SPAG17: variants seen among roughly 807,000 people sequenced by gnomAD.
SPAG17 encodes the protein sperm associated antigen 17.
SPAG17 carries 169 observed loss-of-function variants against 273.6 expected under a neutral mutation model. The observed-to-expected ratio is 0.62, with a 90% CI of 0.55 to 0.70. SPAG17 has a LOEUF of 0.70. Ranked by LOEUF, SPAG17 falls within the 30% of genes least tolerant of loss-of-function variation. SPAG17 has a pLI of 0.00. For missense variants in SPAG17, 2,557 were observed against 2,627.8 expected (o/e 0.97, Z 0.59); for synonymous variants, 825 against 873.2 (o/e 0.94, Z 0.97).
intron 19 of SPAG17, 40 bp downstream of exon 19, chr1:118,055,693 T>C (rs1311334003): frequency 6.9e-7 from 1 of 1,459,044 alleles, no homozygotes. Flanking sequence ...AAGAACGTTC[T>C]TGAATTTTAT....
At chr1:118,141,359 T>C (rs1050030685) in intron 3 of SPAG17, among the ~76,000 whole-genome samples, 1 of 152,208 alleles carries the variant, frequency 6.6e-6, no homozygotes, top group Non-Finnish European at 1.5e-5. Context: ...ATAAACCTAA[T>C]CATTTTCTCT....
At chr1:117,957,992 G>C (rs1652469069) in intron 48 of SPAG17, among the ~76,000 whole-genome samples, 1 of 152,162 alleles carries the variant, frequency 6.6e-6, no homozygotes, top group African/African-American at 2.4e-5. Context: ...TCTGTTAATA[G>C]GTAGTTGAGA....
In SPAG17 at chr1:118,031,783, G is replaced by A. The variant is rs1648505853; in HGVS notation, c.3518C>T (p.Pro1173Leu). The A allele has an allele frequency of 6.2e-7, 1 of 1,613,600 alleles. No homozygotes were observed. Among genetic ancestry groups the A allele is most frequent in the African/African-American group, 1.3e-5 (1 of 74,872 alleles). The change falls in exon 25 of 49, where the codon CCT becomes CTT. Residue 1173 changes from proline to leucine, a missense_variant. By Grantham distance (98) the Pro-to-Leu change is moderately conservative (BLOSUM62 -3). Coordinates refer to ENST00000336338, the MANE Select transcript of SPAG17 (RefSeq NM_206996.4). ...TATTTTCCCTTTAGCTTTGCTTTGA[G>A]GAACGGTCACTATAACAGGAACCAC... ...PTVVPVIVTV[P>L]QSKAKGKIKG...
chr1:117,963,039 C>T (rs1226152568), intron 48 of SPAG17: 1 of 152,226 alleles, frequency 6.6e-6, no homozygotes, highest in East Asian at 1.9e-4. Context: ...GGTAGTATCA[C>T]CATATATTCA....
At chr1:118,062,146 T>A (rs1342762270) in intron 18 of SPAG17, among the ~76,000 whole-genome samples, 1 of 151,910 alleles carries the variant, frequency 6.6e-6, no homozygotes, top group East Asian at 1.9e-4. Flanking sequence ...GGCGGGCGGA[T>A]CACGAGGTCA....
intron 3 of SPAG17, among the ~76,000 whole-genome samples, chr1:118,115,793 A>G (rs1050931773): frequency 1.3e-5 from 2 of 152,236 alleles, no homozygotes; most frequent in Non-Finnish European, 2.9e-5. Context: ...CAGAAAGTCT[A>G]TTGTTTGGCA....
chr1:118,103,618 C>A (rs1166639101), intron 4 of SPAG17, among the ~76,000 whole-genome samples: 1 of 152,068 alleles, frequency 6.6e-6, no homozygotes, highest in Non-Finnish European at 1.5e-5. Flanking sequence ...CCCTTGAGCT[C>A]ACAGCCTATG....
At chr1:117,978,420 T>C (rs764993274) in intron 43 of SPAG17, among the ~76,000 whole-genome samples, 3 of 152,212 alleles carry the variant, frequency 2.0e-5, no homozygotes, top group Non-Finnish European at 4.4e-5. Context: ...TCTTCCATCT[T>C]CTTTAGGACC....
intron 17 of SPAG17, among the ~76,000 whole-genome samples, chr1:118,068,388 T>G (rs2102069999): frequency 6.6e-6 from 1 of 152,232 alleles, no homozygotes; most frequent in South Asian, 2.1e-4. Context: ...CATCTAGTAC[T>G]TACTGATGTT....
At chr1:118,167,062 C>T (rs1660202451) in intron 1 of SPAG17, among the ~76,000 whole-genome samples, 1 of 152,028 alleles carries the variant, frequency 6.6e-6, no homozygotes, top group Non-Finnish European at 1.5e-5. Flanking sequence ...TCAAAAATGT[C>T]TTTTAATTAC....
intron 20 of SPAG17, among the ~76,000 whole-genome samples, chr1:118,046,496 TAA>T (rs1174583595): frequency 6.6e-5 from 10 of 152,090 alleles, no homozygotes; most frequent in African/African-American, 2.4e-4. Context: ...AATATTTCAT[TAA>T]GTTTAGATTT....
At chr1:118,136,595 G>A (rs1114201) in intron 3 of SPAG17, among the ~76,000 whole-genome samples, 9,499 of 152,094 alleles carry the variant, frequency 0.062, 449 homozygotes, top group East Asian at 0.26. Context: ...CACATCACAC[G>A]GCAACTGCCT....
intron 20 of SPAG17, among the ~76,000 whole-genome samples, chr1:118,053,506 T>C (rs949917831): frequency 6.6e-6 from 1 of 151,994 alleles, no homozygotes; most frequent in Admixed American, 6.6e-5. Context: ...ACACCCAAAT[T>C]CAGTGGGGAG....
chr1:117,992,629 G>A lies in SPAG17; in HGVS notation c.5198C>T (p.Pro1733Leu), dbSNP rs147490539. 7.7e-5 allele frequency: 123 copies of A among 1,592,148 alleles called. No homozygotes were observed. In the South Asian group the frequency reaches 9.8e-4, roughly 13 times the overall value. ...PSVEKKTPGP[P>L]FGTQIWKGLC... ...GCCTTTCCAAATCTGAGTACCAAAC[G>A]GAGGTCCTGGAGTTTTTTTCTGTTA... Residue 1733 changes from proline to leucine, a missense_variant, in exon 36 of 49, where the codon CCG (proline) becomes CTG (leucine). Coordinates refer to ENST00000336338, the MANE Select transcript of SPAG17 (RefSeq NM_206996.4).
Position 118,157,034 on chromosome 1 carries a change from T to C in SPAG17, c.88-5665A>G, listed in dbSNP as rs569213908. 5.7e-4 allele frequency among the ~76,000 whole-genome samples: 87 copies of C among 152,308 alleles called. 1 individual carries two copies. The highest frequency in any genetic ancestry group is 2.0e-3 in the African/African-American group (84 of 41,574). ...GCGATGTGTTGAAGCCGATTGCTCA[T>C]GGCTCTTCCCAACTCTCTTCAGTGT... On this transcript the variant is annotated intron_variant, in intron 1 of 48. Coordinates refer to ENST00000336338, the MANE Select transcript of SPAG17 (RefSeq NM_206996.4).
Position 118,098,655 on chromosome 1 carries a change from T to C in SPAG17, c.830-804A>G, listed in dbSNP as rs117600211. Among the ~76,000 whole-genome samples, 64 of 152,272 alleles carry C rather than the reference T, an allele frequency of 4.2e-4. No homozygotes were observed. The East Asian group carries it at 0.012, about 28-fold the overall frequency. ...TTTGAACCTCAACTTTTTAACTTAA[T>C]AGCTGCCTCTAGACTGAGAGTCCAT... On this transcript the variant is annotated intron_variant, in intron 6 of 48. Transcript: ENST00000336338.
intron 1 of SPAG17, among the ~76,000 whole-genome samples, chr1:118,180,010 C>T (rs1272689405): frequency 1.3e-5 from 2 of 151,956 alleles, no homozygotes; most frequent in Admixed American, 1.3e-4. Flanking sequence ...TAAATTAGTA[C>T]AGACACTATA....
intron 3 of SPAG17, 32 bp downstream of exon 3, chr1:118,150,511 C>CA: frequency 1.6e-6 from 2 of 1,252,690 alleles, no homozygotes; most frequent in Non-Finnish European, 2.2e-6. Context: ...TCTAAAAACA[C>CA]AAAAATATCT....
intron 4 of SPAG17, among the ~76,000 whole-genome samples, chr1:118,111,534 A>G (rs1053697436): frequency 7.2e-6 from 1 of 137,980 alleles, no homozygotes; most frequent in African/African-American, 2.8e-5. Context: ...GTATGTCCGT[A>G]TGGCTTTTCT....
Sources: allele counts gnomAD v4.1 joint callset (sites outside exome capture counted in the v4.1 genomes callset), GRCh38; gene constraint gnomAD v4.1.1; transcripts MANE v1.5; gene names NCBI Gene and HGNC (gene_info 2026-07-23, HGNC 2026-07-21).